Variants in TECPR1 observed in about 807,000 individuals in gnomAD.
TECPR1 encodes tectonin beta-propeller repeat containing 1.
A neutral mutation model predicts 162.4 loss-of-function variants in TECPR1; 122 were observed. That is an observed-to-expected ratio of 0.75 (90% confidence interval 0.65 to 0.87). The LOEUF (loss-of-function observed/expected upper bound fraction) is 0.87, where lower values mean the gene tolerates loss of function less well. Ranked by LOEUF, TECPR1 falls within the 40% of genes least tolerant of loss-of-function variation. The probability of loss-of-function intolerance (pLI) is 0.00; values close to 1 mark genes in which losing one functional copy is unlikely to be tolerated. For missense variants in TECPR1, 1,432 were observed against 1,618.2 expected (o/e 0.88, Z 1.97); for synonymous variants, 642 against 670.6 (o/e 0.96, Z 0.66).
chr7:98,245,240 T>C, intron 3 of TECPR1, 173 bp from the exon 4 acceptor site: 2 of 669,328 alleles, frequency 3.0e-6, no homozygotes, highest in Non-Finnish European at 5.0e-6. Flanking sequence ...GGGACCCCCA[T>C]GCCACTTCAT....
At chr7:98,234,384 C>T (rs1000673098) in intron 10 of TECPR1, among the ~76,000 whole-genome samples, 2 of 152,280 alleles carry the variant, frequency 1.3e-5, no homozygotes, top group African/African-American at 4.8e-5. Context: ...GAACTCCTGA[C>T]CTCAAGTGAT....
Position 98,221,686 on chromosome 7 carries a change from C to CG in TECPR1, c.3131dup (p.Ser1045ValfsTer7). On this transcript the variant is annotated frameshift_variant, in exon 23 of 26. Coordinates refer to ENST00000447648, the MANE Select transcript of TECPR1 (RefSeq NM_015395.3). LOFTEE classifies it high-confidence loss of function. ...CATTCTCATCCAGGGCATACACCGACGTCTGCCCCGCGGACACCTGCTTCA... is the reference window on the plus strand; with the variant it reads ...CATTCTCATCCAGGGCATACACCGACGGTCTGCCCCGCGGACACCTGCTTCA... 6.2e-7 allele frequency: 1 copy of CG among 1,613,176 alleles called. No individual in the cohort carries two copies. Among genetic ancestry groups the CG allele is most frequent in the South Asian group, 1.1e-5 (1 of 91,080 alleles).
chr7:98,229,730 T>C (rs1382921511), intron 15 of TECPR1, among the ~76,000 whole-genome samples: 1 of 152,158 alleles, frequency 6.6e-6, no homozygotes, highest in Non-Finnish European at 1.5e-5. Context: ...GCCCTGTCAC[T>C]GTCACTGTCA....
Position 98,221,268 on chromosome 7 carries a change from C to T in TECPR1, c.3157+393G>A, listed in dbSNP as rs552824342. Among the ~76,000 whole-genome samples, 4 of 152,214 alleles carry T rather than the reference C, an allele frequency of 2.6e-5. No individual in the cohort carries two copies. In the East Asian group the frequency reaches 7.8e-4, roughly 30 times the overall value. On this transcript the variant is annotated intron_variant, in intron 23 of 25. Coordinates refer to ENST00000447648, the MANE Select transcript of TECPR1 (RefSeq NM_015395.3). ...AGTGAGCCGAGATTGCACCACTGCA[C>T]TCTAGCCTGGGAGACAAGAGCGAAA...
In TECPR1 at chr7:98,240,825, A is replaced by G. The variant is rs560540360; in HGVS notation, c.933+26T>C. 8 of 1,565,436 alleles carry G rather than the reference A, an allele frequency of 5.1e-6. No individual in the cohort carries two copies. The South Asian group carries it at 9.4e-5, about 18-fold the overall frequency. ...AGTCTCCAACTCCTGGGCTCAAGTG[A>G]TCCCCCAGCCTCATCCCCATCTTAC... is the stretch of plus-strand genomic sequence containing the variant. On this transcript the variant is annotated intron_variant, in intron 8 of 25. Coordinates refer to ENST00000447648, the MANE Select transcript of TECPR1 (RefSeq NM_015395.3).
intron 23 of TECPR1, among the ~76,000 whole-genome samples, chr7:98,219,573 A>G (rs1431290737): frequency 6.6e-6 from 1 of 152,220 alleles, no homozygotes; most frequent in Non-Finnish European, 1.5e-5. Flanking sequence ...ATCCCATCCA[A>G]AAGTGGCCAA....
At chr7:98,239,628 G>A (rs1369956001) in intron 8 of TECPR1, among the ~76,000 whole-genome samples, 1 of 152,142 alleles carries the variant, frequency 6.6e-6, no homozygotes, top group African/African-American at 2.4e-5. Flanking sequence ...GCTGTAAGAG[G>A]GGCTTGGAAG....
intron 23 of TECPR1, among the ~76,000 whole-genome samples, chr7:98,221,248 G>C (rs1353165272): frequency 6.6e-6 from 1 of 152,136 alleles, no homozygotes; most frequent in Non-Finnish European, 1.5e-5. Context: ...GTTGCAGTGA[G>C]CCGAGATTGC....
chr7:98,235,849 A>AAAAAAAAAAAAAAAAAAAACAACAAC, intron 10 of TECPR1, among the ~76,000 whole-genome samples: 2 of 110,256 alleles, frequency 1.8e-5, no homozygotes, highest in Non-Finnish European at 4.1e-5. Context: ...AAAAAAAAAA[A>AAAAAAAAAAAAAAAAAAAACAACAAC]AACACCATCT....
intron 9 of TECPR1, 36 bp from the exon 10 acceptor site, chr7:98,236,957 C>T (rs769329559): frequency 7.6e-5 from 113 of 1,495,218 alleles, no homozygotes; most frequent in Middle Eastern, 7.0e-4. Context: ...GGAATCTGGG[C>T]GCAGGCCCGG....
rs891276935 is a variant in TECPR1 at position 98,229,138 on chromosome 7, G to A, written c.2311C>T (p.Arg771Trp). The change falls in exon 16 of 26, where the codon CGG (arginine) becomes TGG (tryptophan). Residue 771 changes from arginine (R) to tryptophan (W), a missense_variant. Transcript: ENST00000447648. The part of the protein sequence containing the change: ...MFWRQMGGHL[R>W]MVEANSRGVV... Reference sequence around the variant, plus strand: ...CCCCGGCTGTTGGCCTCCACCATCCGCAGGTGGCCTCCCATCTGCCGCCAA... The same window carrying A: ...CCCCGGCTGTTGGCCTCCACCATCCACAGGTGGCCTCCCATCTGCCGCCAA... The A allele has an allele frequency of 9.0e-6, 14 of 1,563,832 alleles. No homozygotes were observed. Among genetic ancestry groups the A allele is most frequent in the South Asian group, 1.2e-5 (1 of 84,868 alleles).
chr7:98,234,278 G>A lies in TECPR1; in HGVS notation c.1182-367C>T, dbSNP rs191623053. Among the ~76,000 whole-genome samples, 496 of 152,204 alleles carry A rather than the reference G, an allele frequency of 3.3e-3. 2 individuals are homozygous for A. The highest frequency in any genetic ancestry group is 0.011 in the African/African-American group (467 of 41,506). On this transcript the variant is annotated intron_variant, in intron 10 of 25. Coordinates refer to ENST00000447648, the MANE Select transcript of TECPR1 (RefSeq NM_015395.3). ...AGCGATTCTCCTGCCTCAGCCTCCC[G>A]AGTAGCTGAGAGATTACAGGCATGC...
In TECPR1 at chr7:98,241,612, T is replaced by C. The variant is rs550060824; in HGVS notation, c.658-368A>G. Among the ~76,000 whole-genome samples the C allele has an allele frequency of 1.3e-5, 2 of 152,304 alleles. No homozygotes were observed. The highest frequency in any genetic ancestry group is 4.1e-4 in the South Asian group (2 of 4,828). On this transcript the variant is annotated intron_variant, in intron 6 of 25. Coordinates refer to ENST00000447648, the MANE Select transcript of TECPR1 (RefSeq NM_015395.3). This position sits in a 1 kb window ranked among gnomAD's most constrained non-coding sequence, Gnocchi z 5.0. The stretch of plus-strand genomic sequence containing the variant: ...CAGGGGAGGCTCCAACTCCCATTCA[T>C]AAACTATCTAAGACGTCAGTTCTTT...
intron 17 of TECPR1, chr7:98,226,444 A>T: frequency 3.0e-6 from 3 of 1,002,852 alleles, no homozygotes; most frequent in Non-Finnish European, 3.6e-6. Flanking sequence ...CACTCTGGGT[A>T]CAGAACGGTG....
Position 98,232,968 on chromosome 7 carries a change from C to T in TECPR1, c.1677G>A (p.Leu559=), listed in dbSNP as rs1374730689. The T allele has an allele frequency of 1.2e-6, 2 of 1,609,264 alleles. No homozygotes were observed. The highest frequency in any genetic ancestry group is 1.7e-6 in the Non-Finnish European group (2 of 1,178,082). The change falls in exon 12 of 26, where the codon CTG becomes CTA. Residue 559 remains leucine (L), a synonymous_variant. Coordinates refer to ENST00000447648, the MANE Select transcript of TECPR1 (RefSeq NM_015395.3). This position sits in a 1 kb window ranked among gnomAD's most constrained non-coding sequence, Gnocchi z 4.6. ...GGGACAGCATGTGTACCGAGGAGGA[C>T]AGGCCTGTGGGGCAGAGAGAGCCTC... The part of the protein sequence containing the change: ...MPRWFTVQAG[L]SSSVHMLSLS...
Position 98,214,690 on chromosome 7 carries a change from CCCAGAAGAGCCTCGGT to C in TECPR1, c.*2684_*2699del, listed in dbSNP as rs1275137156. ...TGGACCGACGAGCTGAGCCTGAAAG[CCCAGAAGAGCCTCGGT>C]CCAGAAGACGGAGACTCGGCCCGGT... On this transcript the variant is annotated 3_prime_UTR_variant, in exon 26 of 26. Coordinates refer to ENST00000447648, the MANE Select transcript of TECPR1 (RefSeq NM_015395.3). 6.6e-6 allele frequency: 1 copy of C among 152,276 alleles called. No individual in the cohort carries two copies. The highest frequency in any genetic ancestry group is 1.5e-5 in the Non-Finnish European group (1 of 68,088). The allele number at this position is 152,276 out of a possible 1,614,324, so 9.4% of individuals were successfully genotyped here.
Position 98,217,364 on chromosome 7 carries a change from C to T in TECPR1, c.*26G>A. ...TTGATCCCCCAAACTGGGCACCGTC[C>T]CTGCATGTAGGTGTGTGGGGGGGCC... is the stretch of plus-strand genomic sequence containing the variant. On this transcript the variant is annotated 3_prime_UTR_variant, in exon 26 of 26. Coordinates refer to ENST00000447648, the MANE Select transcript of TECPR1 (RefSeq NM_015395.3). The T allele has an allele frequency of 2.1e-6, 3 of 1,401,434 alleles. No homozygotes were observed. Among genetic ancestry groups the T allele is most frequent in the African/African-American group, 1.4e-5 (1 of 70,916 alleles). The allele number at this position is 1,401,434 out of a possible 1,614,324, so 86.8% of individuals were successfully genotyped here. A position where few individuals can be genotyped will look rare whatever the true frequency, so the allele number is the denominator to read the frequency against.
intron 5 of TECPR1, among the ~76,000 whole-genome samples, 196 bp from the exon 6 acceptor site, chr7:98,243,788 G>A (rs1798831068): frequency 6.6e-6 from 1 of 152,204 alleles, no homozygotes; most frequent in African/African-American, 2.4e-5. Flanking sequence ...TAGAGACGTG[G>A]TTTCACCATG....
intron 10 of TECPR1, among the ~76,000 whole-genome samples, chr7:98,234,904 G>C (rs1430936490): frequency 6.6e-6 from 1 of 151,732 alleles, no homozygotes; most frequent in Non-Finnish European, 1.5e-5. Context: ...TGTAGAGATG[G>C]GGTCTCACTA....
Sources: gnomAD v4.1 joint callset for allele counts (sites outside exome capture counted in the v4.1 genomes callset) on GRCh38, gnomAD v4.1.1 for gene constraint, Gnocchi (gnomAD v3.1) non-coding constraint, MANE v1.5 for transcripts, NCBI Gene and HGNC (gene_info 2026-07-23, HGNC 2026-07-21) for gene names.